Variants in CARMIL2 observed in about 807,000 individuals in gnomAD.
The protein encoded by CARMIL2 is capping protein regulator and myosin 1 linker 2.
CARMIL2 carries 96 observed loss-of-function variants against 173.3 expected under a neutral mutation model. The observed-to-expected ratio is 0.55, with a 90% CI of 0.47 to 0.66. CARMIL2 has a LOEUF of 0.66. Ranked by LOEUF, CARMIL2 falls within the 30% of genes least tolerant of loss-of-function variation. The pLI is 0.00. For synonymous variants in CARMIL2, 830 were observed against 817.1 expected (o/e 1.02, Z -0.27); for missense variants, 1,771 against 1,906.7 (o/e 0.93, Z 1.33).
chr16:67,648,767 C>T lies in CARMIL2; in HGVS notation c.1509+13C>T, dbSNP rs202064502. The T allele has an allele frequency of 9.0e-5, 144 of 1,595,712 alleles. No homozygotes were observed. The highest frequency in any genetic ancestry group is 3.3e-4 in the Middle Eastern group (2 of 6,046). On this transcript the variant is annotated intron_variant, in intron 16 of 37. Coordinates refer to ENST00000334583, the MANE Select transcript of CARMIL2 (RefSeq NM_001013838.3). The surrounding 1 kb of genome is among the most constrained non-coding windows in gnomAD (Gnocchi z 6.1). ...CAGCGCTTGCGAGGTGAGCGCCGGCCCCCAGAAGAGACCACACATTGGGAG... is the reference window on the plus strand; with the variant it reads ...CAGCGCTTGCGAGGTGAGCGCCGGCTCCCAGAAGAGACCACACATTGGGAG...
chr16:67,649,192 C>T lies in CARMIL2; in HGVS notation c.1688+20C>T, dbSNP rs1187275236. On this transcript the variant is annotated intron_variant, in intron 18 of 37. Transcript: ENST00000334583. This position sits in a 1 kb window ranked among gnomAD's most constrained non-coding sequence, Gnocchi z 6.7. ...GTGCAAGTGAGCCCCCACCCTACTC[C>T]TGGGCCTCCCAGACAACACCCCACC... is the stretch of plus-strand genomic sequence containing the variant. 1 of 1,613,032 alleles carries T rather than the reference C, an allele frequency of 6.2e-7. No homozygotes were observed. Among genetic ancestry groups the T allele is most frequent in the Non-Finnish European group, 8.5e-7 (1 of 1,179,474 alleles).
At position 67,653,344 on chromosome 16, in the gene CARMIL2, G is replaced by C; in HGVS notation, c.3120+90G>C. On this transcript the variant is annotated intron_variant, in intron 29 of 37. Coordinates refer to ENST00000334583, the MANE Select transcript of CARMIL2 (RefSeq NM_001013838.3). This position sits in a 1 kb window ranked among gnomAD's most constrained non-coding sequence, Gnocchi z 7.4. ...TCATGGGTGGTAGCGGTCAAGGAGA[G>C]GGGGTGGTGGGGGCCCAAGGCCACC... 1.7e-6 allele frequency: 1 copy of C among 573,348 alleles called. No individual in the cohort carries two copies. The highest frequency in any genetic ancestry group is 2.3e-6 in the Non-Finnish European group (1 of 438,080). 35.5% of individuals were successfully genotyped at this position (573,348 alleles called of 1,614,324 possible). A position where few individuals can be genotyped will look rare whatever the true frequency, so the allele number is the denominator to read the frequency against.
chr16:67,647,261 A>C (rs1464948676), intron 9 of CARMIL2, 38 bp from the exon 10 acceptor site: 8 of 1,610,562 alleles, frequency 5.0e-6, no homozygotes, highest in Non-Finnish European at 6.8e-6. Flanking sequence ...GCTGAGGGCC[A>C]GGGTGCAGCC....
rs988507398 is a variant in CARMIL2 at position 67,652,793 on chromosome 16, A to G, written c.2885-226A>G. ...CCGCGCCCCTTTCCCTACCCCAGGG[A>G]CGCGCATGCTGGGCGGCGGCGCGGA... On this transcript the variant is annotated intron_variant, in intron 28 of 37. Transcript: ENST00000334583. This position sits in a 1 kb window ranked among gnomAD's most constrained non-coding sequence, Gnocchi z 4.7. Among the ~76,000 whole-genome samples the G allele has an allele frequency of 6.6e-6, 1 of 151,608 alleles. No individual in the cohort carries two copies. The highest frequency in any genetic ancestry group is 2.4e-5 in the African/African-American group (1 of 41,328).
Position 67,649,730 on chromosome 16 carries a change from A to C in CARMIL2, c.1920-76A>C. On this transcript the variant is annotated intron_variant, in intron 20 of 37. Coordinates refer to ENST00000334583, the MANE Select transcript of CARMIL2 (RefSeq NM_001013838.3). The surrounding 1 kb of genome is among the most constrained non-coding windows in gnomAD (Gnocchi z 6.7). ...GCGGAGCAAATGGAGCAGGCTGACG[A>C]GGCGAATGGACTAGGCCGAGGGTTG... is the stretch of plus-strand genomic sequence containing the variant. 3 of 1,572,526 alleles carry C rather than the reference A, an allele frequency of 1.9e-6. No homozygotes were observed. The highest frequency in any genetic ancestry group is 2.6e-6 in the Non-Finnish European group (3 of 1,157,698).
At position 67,651,252 on chromosome 16, in the gene CARMIL2, C is replaced by T. The variant is rs2052716447; in HGVS notation, c.2250C>T (p.Pro750=). 6.2e-7 allele frequency: 1 copy of T among 1,613,390 alleles called. No homozygotes were observed. The highest frequency in any genetic ancestry group is 1.3e-5 in the African/African-American group (1 of 74,900). Residue 750 remains proline (P), a synonymous_variant, in exon 23 of 38, where the codon CCC becomes CCT. Transcript: ENST00000334583. The surrounding 1 kb of genome is among the most constrained non-coding windows in gnomAD (Gnocchi z 4.2). ...AGCTGCTGGGCTGTGGGGCTGGGCCCCAGGGTGAAGCCGCTGTGCGCCAGG... is the reference window on the plus strand; with the variant it reads ...AGCTGCTGGGCTGTGGGGCTGGGCCTCAGGGTGAAGCCGCTGTGCGCCAGG... ...HVELLGCGAG[P]QGEAAVRQAE...
rs2052713917 is a variant in CARMIL2, at chr16:67,651,149, A to G, written c.2185-38A>G. On this transcript the variant is annotated intron_variant, in intron 22 of 37. Coordinates refer to ENST00000334583, the MANE Select transcript of CARMIL2 (RefSeq NM_001013838.3). The surrounding 1 kb of genome is among the most constrained non-coding windows in gnomAD (Gnocchi z 4.2). Reference sequence around the variant, plus strand: ...GGCAGGCAGGATCTGGGAGACTGGGAGGGGGCTAGGCTGAGACTGATCCCC... The same window carrying G: ...GGCAGGCAGGATCTGGGAGACTGGGGGGGGGCTAGGCTGAGACTGATCCCC... 1 of 1,594,704 alleles carries G rather than the reference A, an allele frequency of 6.3e-7. No individual in the cohort carries two copies. Among genetic ancestry groups the G allele is most frequent in the African/African-American group, 1.3e-5 (1 of 74,612 alleles).
At position 67,657,459 on chromosome 16, in the gene CARMIL2, C is replaced by A. The variant is rs557611159; in HGVS notation, c.4249C>A (p.Pro1417Thr). Residue 1417 changes from proline (P) to threonine (T), a missense_variant, in exon 38 of 38, where the codon CCT becomes ACT. Physicochemically the swap from Pro to Thr is conservative, Grantham distance 38. Coordinates refer to ENST00000334583, the MANE Select transcript of CARMIL2 (RefSeq NM_001013838.3). The surrounding 1 kb of genome is among the most constrained non-coding windows in gnomAD (Gnocchi z 4.5). ...LPPQPTEPSS[P>T]ERSPPSPATD... ...CCCACAGCCCACAGAGCCCTCCAGC[C>A]CTGAGCGGAGCCCACCCTCCCCAGC... 5.6e-6 allele frequency: 9 copies of A among 1,611,546 alleles called. No homozygotes were observed. In the Admixed American group the frequency reaches 6.7e-5, roughly 12 times the overall value.
In CARMIL2 at chr16:67,654,675, G is replaced by T. The variant is rs1254201835; in HGVS notation, c.3565G>T (p.Gly1189Cys). The T allele has an allele frequency of 6.3e-7, 1 of 1,588,556 alleles. No homozygotes were observed. The highest frequency in any genetic ancestry group is 8.6e-7 in the Non-Finnish European group (1 of 1,166,032). Residue 1189 changes from glycine to cysteine, a missense_variant, in exon 31 of 38, where the codon GGT (glycine) becomes TGT (cysteine). Around this residue, in one of 3 missense-constraint regions of CARMIL2, gnomAD observed 817 missense variants for 903.5 expected, o/e 0.90. Transcript: ENST00000334583. ...GCCTGCCGAGGAGGAGGCAACGCTGGGTGCCAGACCCGACAAGGTGAGGCT... is the reference window on the plus strand; with the variant it reads ...GCCTGCCGAGGAGGAGGCAACGCTGTGTGCCAGACCCGACAAGGTGAGGCT... ...LLPAEEEATL[G>C]ARPDKRRPLE...
Position 67,653,227 on chromosome 16 carries a change from C to T in CARMIL2, c.3093C>T (p.His1031=). Residue 1031 remains histidine, a synonymous_variant, in exon 29 of 38, where the codon CAC becomes CAT. Transcript: ENST00000334583. This position sits in a 1 kb window ranked among gnomAD's most constrained non-coding sequence, Gnocchi z 7.4. Reference sequence around the variant, plus strand: ...GGCCGCGGCCGCGCCGCCAGCACCACCACCGCCCGCCGCCGGGGGGCCCCC... The same window carrying T: ...GGCCGCGGCCGCGCCGCCAGCACCATCACCGCCCGCCGCCGGGGGGCCCCC... ...RARPRPRRQH[H]HRPPPGGPQV... is the part of the protein sequence containing the mutation. The T allele has an allele frequency of 8.8e-7, 1 of 1,138,726 alleles. No individual in the cohort carries two copies. Among genetic ancestry groups the T allele is most frequent in the Non-Finnish European group, 1.1e-6 (1 of 927,476 alleles). The allele number at this position is 1,138,726 out of a possible 1,614,324, so 70.5% of individuals were successfully genotyped here. A position where few individuals can be genotyped will look rare whatever the true frequency, so the allele number is the denominator to read the frequency against.
Position 67,648,363 on chromosome 16 carries a change from T to C in CARMIL2, c.1335-35T>C. 1 of 1,545,754 alleles carries C rather than the reference T, an allele frequency of 6.5e-7. No homozygotes were observed. Among genetic ancestry groups the C allele is most frequent in the Non-Finnish European group, 8.7e-7 (1 of 1,153,098 alleles). On this transcript the variant is annotated intron_variant, in intron 14 of 37. Coordinates refer to ENST00000334583, the MANE Select transcript of CARMIL2 (RefSeq NM_001013838.3). The surrounding 1 kb of genome is among the most constrained non-coding windows in gnomAD (Gnocchi z 6.1). ...GGGGAGGCTGCTGGAAGCCGCCTCC[T>C]TGCGGCCCCAGGCCCACCTTCCCAC...
chr16:67,653,547 C>T lies in CARMIL2; in HGVS notation c.3120+293C>T, dbSNP rs898972156. 6.6e-6 allele frequency among the ~76,000 whole-genome samples: 1 copy of T among 152,164 alleles called. No individual in the cohort carries two copies. Among genetic ancestry groups the T allele is most frequent in the East Asian group, 1.9e-4 (1 of 5,174 alleles). On this transcript the variant is annotated intron_variant, in intron 29 of 37. Transcript: ENST00000334583. The surrounding 1 kb of genome is among the most constrained non-coding windows in gnomAD (Gnocchi z 7.4). ...GCGAGAGAGGGTGTCCGTCCTCCCT[C>T]CCTCCCCCGGGGCTGCTGAGAGATG...
In CARMIL2 at chr16:67,648,835, C is replaced by T; in HGVS notation, c.1510-58C>T. On this transcript the variant is annotated intron_variant, in intron 16 of 37. Coordinates refer to ENST00000334583, the MANE Select transcript of CARMIL2 (RefSeq NM_001013838.3). The surrounding 1 kb of genome is among the most constrained non-coding windows in gnomAD (Gnocchi z 6.1). Reference sequence around the variant, plus strand: ...AGGGCAGGGCCGTGGGCCGCCTGCCCCTCCCCACTCGCGGCCTAAGTGGGT... The same window carrying T: ...AGGGCAGGGCCGTGGGCCGCCTGCCTCTCCCCACTCGCGGCCTAAGTGGGT... The T allele has an allele frequency of 1.3e-6, 2 of 1,570,874 alleles. No individual in the cohort carries two copies. The highest frequency in any genetic ancestry group is 1.7e-6 in the Non-Finnish European group (2 of 1,157,890).
chr16:67,651,529 C>T lies in CARMIL2; in HGVS notation c.2427+15C>T. The T allele has an allele frequency of 1.3e-6, 2 of 1,573,778 alleles. No homozygotes were observed. The highest frequency in any genetic ancestry group is 1.7e-6 in the Non-Finnish European group (2 of 1,159,266). On this transcript the variant is annotated intron_variant, in intron 24 of 37. Transcript: ENST00000334583. The surrounding 1 kb of genome is among the most constrained non-coding windows in gnomAD (Gnocchi z 4.2). ...AGGACATCCAGGTGAGAGGGTACTC[C>T]TGCCCCAACCCCACCTCCGTTTGCA...
rs775090874 is a variant in CARMIL2 at position 67,648,269 on chromosome 16, C to G, written c.1289C>G (p.Thr430Ser). 2 of 1,598,804 alleles carry G rather than the reference C, an allele frequency of 1.3e-6. No individual in the cohort carries two copies. Among genetic ancestry groups the G allele is most frequent in the South Asian group, 2.2e-5 (2 of 89,838 alleles). Residue 430 changes from threonine (T) to serine (S), a missense_variant, in exon 14 of 38, where the codon ACC (threonine) becomes AGC (serine). Coordinates refer to ENST00000334583, the MANE Select transcript of CARMIL2 (RefSeq NM_001013838.3). This position sits in a 1 kb window ranked among gnomAD's most constrained non-coding sequence, Gnocchi z 6.1. ...LFAAVSRGCC[T>S]SLTHLDASRN... is the part of the protein sequence containing the mutation. ...GCAGCGGTATCCCGAGGCTGCTGCA[C>G]CAGCCTTACCCACCTCGACGCTTCG...
chr16:67,653,283 C>G lies in CARMIL2; in HGVS notation c.3120+29C>G, dbSNP rs2052766138. 4 of 1,070,904 alleles carry G rather than the reference C, an allele frequency of 3.7e-6. No homozygotes were observed. The highest frequency in any genetic ancestry group is 4.6e-6 in the Non-Finnish European group (4 of 864,050). 66.3% of individuals were successfully genotyped at this position (1,070,904 alleles called of 1,614,324 possible). A position where few individuals can be genotyped will look rare whatever the true frequency, so the allele number is the denominator to read the frequency against. On this transcript the variant is annotated intron_variant, in intron 29 of 37. Transcript: ENST00000334583. This position sits in a 1 kb window ranked among gnomAD's most constrained non-coding sequence, Gnocchi z 7.4. ...AGCACCCTTCCCCCACTCCGGAGCG[C>G]GTGGAATTGGGGATCACGGGTGGCC... is the stretch of plus-strand genomic sequence containing the variant.
At position 67,651,346 on chromosome 16, in the gene CARMIL2, C is replaced by G. The variant is rs1224507612; in HGVS notation, c.2313+31C>G. 1.2e-6 allele frequency: 2 copies of G among 1,609,914 alleles called. No individual in the cohort carries two copies. The highest frequency in any genetic ancestry group is 1.7e-5 in the Admixed American group (1 of 59,894). On this transcript the variant is annotated intron_variant, in intron 23 of 37. Transcript: ENST00000334583. This position sits in a 1 kb window ranked among gnomAD's most constrained non-coding sequence, Gnocchi z 4.2. ...CACTCCCCCTCCTGCTACAAGGACC[C>G]TTCCCCTCTTAGTCAGGTGTCAGCT...
Position 67,647,950 on chromosome 16 carries a change from G to A in CARMIL2, c.1063G>A (p.Asp355Asn), listed in dbSNP as rs773599682. The change falls in exon 13 of 38, where the codon GAC becomes AAC. Residue 355 changes from aspartate to asparagine, a missense_variant. Asp to Asn is a conservative substitution (Grantham distance 23). This residue lies in a region of CARMIL2 where 944 missense variants were observed against 975.6 expected (regional missense o/e 0.97). Transcript: ENST00000334583. Reference sequence around the variant, plus strand: ...TCCTGGGGCGCTGGGGGCCTCCGAGGACAGTGGGGTGAGTGGCTGTCTTCA... The same window carrying A: ...TCCTGGGGCGCTGGGGGCCTCCGAGAACAGTGGGGTGAGTGGCTGTCTTCA... ...GNPGALGASE[D>N]SGGLYSFLSR... is the part of the protein sequence containing the mutation. The A allele has an allele frequency of 5.3e-5, 85 of 1,608,038 alleles. No individual in the cohort carries two copies. The highest frequency in any genetic ancestry group is 2.5e-5 in the Non-Finnish European group (30 of 1,176,972).
chr16:67,654,182 C>G lies in CARMIL2; in HGVS notation c.3154C>G (p.Leu1052Val). Residue 1052 changes from leucine to valine, a missense_variant, in exon 30 of 38, where the codon CTC becomes GTC. This residue lies in a region of CARMIL2 where 817 missense variants were observed against 903.5 expected (regional missense o/e 0.90). Transcript: ENST00000334583. ...PPALPQEGNG[L>V]SARVDEGVEE... ...AGCCTTGCCGCAGGAAGGGAATGGG[C>G]TCAGTGCCCGCGTGGACGAGGGCGT... The G allele has an allele frequency of 6.4e-7, 1 of 1,563,644 alleles. No individual in the cohort carries two copies. Among genetic ancestry groups the G allele is most frequent in the Non-Finnish European group, 8.7e-7 (1 of 1,155,354 alleles).
Sources: allele counts gnomAD v4.1 joint callset (sites outside exome capture counted in the v4.1 genomes callset), GRCh38; gene constraint gnomAD v4.1.1; regional missense constraint gnomAD v4.1.1; non-coding constraint Gnocchi (gnomAD v3.1); transcripts MANE v1.5; gene names NCBI Gene and HGNC (gene_info 2026-07-23, HGNC 2026-07-21).